PCBP3: variants seen among roughly 807,000 people sequenced by gnomAD.
PCBP3 encodes poly(rC)-binding protein 3.
Under a neutral mutation model 52.7 loss-of-function variants are expected in PCBP3, and 25 were observed. That is an observed-to-expected ratio of 0.47 (90% confidence interval 0.35 to 0.66). The LOEUF (loss-of-function observed/expected upper bound fraction) is 0.66. PCBP3 is among the 30% of genes least tolerant of loss of function. PCBP3 has a pLI of 0.01. For synonymous variants in PCBP3, 162 were observed against 183.0 expected, an observed-to-expected ratio of 0.89 and a Z score of 0.93; for missense variants, 391 against 490.3, an observed-to-expected ratio of 0.80 and a Z score of 1.91.
At chr21:45,890,771 T>G (rs61622791) in intron 5 of PCBP3, among the ~76,000 whole-genome samples, 221 of 106,236 alleles carry the variant, frequency 2.1e-3, no homozygotes, top group Middle Eastern at 8.3e-3. Context: ...GCATTACTGA[T>G]GGGAATGTAG....
chr21:45,809,777 A>T (rs1051446369), intron 4 of PCBP3, among the ~76,000 whole-genome samples: 1 of 152,046 alleles, frequency 6.6e-6, no homozygotes, highest in Admixed American at 6.5e-5. Context: ...AAGCCAACTG[A>T]TGAGGTTTGG....
intron 6 of PCBP3, among the ~76,000 whole-genome samples, chr21:45,899,061 A>C (rs960709403): frequency 2.7e-5 from 4 of 149,200 alleles, no homozygotes; most frequent in African/African-American, 1.0e-4. Context: ...CTGGACAGGG[A>C]GATACTGGGC....
chr21:45,892,514 A>G (rs13051478), intron 5 of PCBP3, among the ~76,000 whole-genome samples: 60,640 of 137,634 alleles, frequency 0.44, 15,643 homozygotes, highest in African/African-American at 0.67. Context: ...TGGAGGGCGC[A>G]GTCCCGTCTC....
intron 2 of PCBP3, among the ~76,000 whole-genome samples, chr21:45,696,269 A>AG (rs1383857621): frequency 5.9e-5 from 9 of 152,108 alleles, no homozygotes; most frequent in African/African-American, 2.2e-4. Flanking sequence ...TCATGGCTTC[A>AG]GGGTAAACAA....
chr21:45,792,456 TAG>T (rs2091669368), intron 4 of PCBP3, among the ~76,000 whole-genome samples: 1 of 152,206 alleles, frequency 6.6e-6, no homozygotes, highest in Admixed American at 6.5e-5. Context: ...AAAACTTAAA[TAG>T]AGTTTTCTTT....
chr21:45,783,309 G>A (rs2090786870), intron 4 of PCBP3, among the ~76,000 whole-genome samples: 1 of 152,166 alleles, frequency 6.6e-6, no homozygotes, highest in African/African-American at 2.4e-5. Context: ...TTCTATTGAT[G>A]TCTGTGTTAT....
Position 45,859,041 on chromosome 21 carries a change from A to T in PCBP3, c.10+8946A>T, listed in dbSNP as rs140576560. 3.1e-3 allele frequency: 474 copies of T among 152,386 alleles called. 3 individuals carry two copies. The highest frequency in any genetic ancestry group is 0.011 in the African/African-American group (453 of 41,554). The allele number at this position is 152,386 out of a possible 1,614,324, so 9.4% of individuals were successfully genotyped here. ...AACCTCTTTCCTTTATAAATTACAC[A>T]GTCTCGGGTATGTCTGTATTACCAG... On this transcript the variant is annotated intron_variant, in intron 5 of 17. Transcript: ENST00000681687.
Position 45,752,950 on chromosome 21 carries a change from A to G in PCBP3, c.-161-2467A>G, listed in dbSNP as rs1169659976. 6 of 140,888 alleles carry G rather than the reference A, an allele frequency of 4.3e-5. No individual in the cohort carries two copies. In the East Asian group the frequency reaches 1.2e-3, roughly 29 times the overall value. The allele number at this position is 140,888 out of a possible 1,614,324, so 8.7% of individuals were successfully genotyped here. The stretch of plus-strand genomic sequence containing the variant: ...GGAGTTCAAGACAAACCTAGGCAAC[A>G]TAGCAACCCTGTCTCTCCAAAAAAA... On this transcript the variant is annotated intron_variant, in intron 3 of 17. Coordinates refer to ENST00000681687, the MANE Select transcript of PCBP3 (RefSeq NM_001384156.1).
intron 1 of PCBP3, among the ~76,000 whole-genome samples, chr21:45,646,182 G>A (rs937723676): frequency 4.1e-5 from 6 of 146,952 alleles, no homozygotes; most frequent in Non-Finnish European, 8.9e-5. Flanking sequence ...CCTTTCCAGT[G>A]TACTTTAAAA....
At chr21:45,870,391 T>C (rs1022285180) in intron 5 of PCBP3, among the ~76,000 whole-genome samples, 6 of 152,242 alleles carry the variant, frequency 3.9e-5, no homozygotes, top group Non-Finnish European at 8.8e-5. Context: ...TTACCTGTGA[T>C]GACGAATGAG....
At chr21:45,688,208 T>C (rs2082264265) in intron 2 of PCBP3, among the ~76,000 whole-genome samples, 1 of 151,924 alleles carries the variant, frequency 6.6e-6, no homozygotes, top group African/African-American at 2.4e-5. Context: ...AATAGAAGAG[T>C]TGAACAACAC....
At chr21:45,685,480 G>T (rs2082097163) in intron 2 of PCBP3, among the ~76,000 whole-genome samples, 2 of 152,174 alleles carry the variant, frequency 1.3e-5, no homozygotes. Flanking sequence ...CTCTGCCCAT[G>T]GTGGAGTAAC....
intron 3 of PCBP3, chr21:45,748,055 T>A (rs2087068114): frequency 6.6e-6 from 1 of 152,566 alleles, no homozygotes; most frequent in Non-Finnish European, 1.5e-5. Flanking sequence ...GTGATAGATC[T>A]GGAGAGCTGT....
intron 1 of PCBP3, among the ~76,000 whole-genome samples, chr21:45,647,991 G>A (rs2079431257): frequency 6.6e-6 from 1 of 152,168 alleles, no homozygotes; most frequent in African/African-American, 2.4e-5. Context: ...GTGATGTGAG[G>A]TGAGAAAGAC....
In PCBP3 at chr21:45,847,687, C is replaced by T. The variant is rs143381765; in HGVS notation, c.-125-2274C>T. On this transcript the variant is annotated intron_variant, in intron 4 of 17. Transcript: ENST00000681687. Reference sequence around the variant, plus strand: ...CCTTGTACATTGCAGTCAGGAAGTCCGATCCCCATCTGATTTTCTTCCCTT... The same window carrying T: ...CCTTGTACATTGCAGTCAGGAAGTCTGATCCCCATCTGATTTTCTTCCCTT... 3.4e-3 allele frequency among the ~76,000 whole-genome samples: 517 copies of T among 152,272 alleles called. 3 individuals carry two copies. The highest frequency in any genetic ancestry group is 0.012 in the African/African-American group (484 of 41,550).
intron 5 of PCBP3, among the ~76,000 whole-genome samples, chr21:45,892,516 T>C (rs1340101567): frequency 1.2e-5 from 1 of 84,542 alleles, no homozygotes; most frequent in African/African-American, 7.6e-5. Flanking sequence ...GAGGGCGCAG[T>C]CCCGTCTCTC....
intron 9 of PCBP3, among the ~76,000 whole-genome samples, chr21:45,908,889 C>T (rs1325485209): frequency 2.0e-5 from 3 of 152,160 alleles, no homozygotes; most frequent in Non-Finnish European, 2.9e-5. Context: ...CTTCCCTAGG[C>T]CAGACACCAG....
chr21:45,939,828 C>A (rs942920232), intron 16 of PCBP3, among the ~76,000 whole-genome samples: 4 of 152,186 alleles, frequency 2.6e-5, no homozygotes, highest in African/African-American at 9.7e-5. Context: ...GTGCTCTCAG[C>A]CTGACCTCGG....
In PCBP3 at chr21:45,932,187, C is replaced by T. The variant is rs1456753355; in HGVS notation, c.856+1342C>T. Among the ~76,000 whole-genome samples, 412 of 100,628 alleles carry T rather than the reference C, an allele frequency of 4.1e-3. No individual in the cohort carries two copies. In the Middle Eastern group the frequency reaches 0.049, roughly 12 times the overall value. The allele number at this position is 100,628 out of a possible 152,430, so 66.0% of individuals were successfully genotyped here. On this transcript the variant is annotated intron_variant, in intron 15 of 17. Coordinates refer to ENST00000681687, the MANE Select transcript of PCBP3 (RefSeq NM_001384156.1). ...AATGAACACATCAGCCATGCCGTCCCGAGATGAATGAACACATCGGCCATG... is the reference window on the plus strand; with the variant it reads ...AATGAACACATCAGCCATGCCGTCCTGAGATGAATGAACACATCGGCCATG...
Sources: gnomAD v4.1 joint callset for allele counts (sites outside exome capture counted in the v4.1 genomes callset) on GRCh38, gnomAD v4.1.1 for gene constraint, MANE v1.5 for transcripts, NCBI Gene and HGNC (gene_info 2026-07-23, HGNC 2026-07-21) for gene names.